The following MPDZ variants were observed in gnomAD, a reference collection of about 807,000 sequenced individuals.
The protein encoded by MPDZ is multiple PDZ domain crumbs cell polarity complex component.
A neutral mutation model predicts 239.1 loss-of-function variants in MPDZ; 234 were observed. That is an observed-to-expected ratio of 0.98 (90% confidence interval 0.88 to 1.09). The LOEUF (loss-of-function observed/expected upper bound fraction) is 1.09, where lower values mean the gene tolerates loss of function less well. Among genes scored for constraint, MPDZ ranks in the 50% least tolerant of loss-of-function variants. MPDZ has a pLI of 0.00. For missense variants in MPDZ, 3,175 were observed against 2,510.0 expected (o/e 1.26, Z -5.66); for synonymous variants, 1,048 against 881.3 (o/e 1.19, Z -3.35).
chr9:13,197,712 T>A (rs1054954193), intron 12 of MPDZ, among the ~76,000 whole-genome samples: 1 of 152,078 alleles, frequency 6.6e-6, no homozygotes. Context: ...TTCTAGTTAA[T>A]TGTATTTTTG....
chr9:13,223,463 G>A (rs996372116), intron 5 of MPDZ, 108 bp downstream of exon 5: 1 of 1,303,862 alleles, frequency 7.7e-7, no homozygotes, highest in Admixed American at 2.7e-5. Flanking sequence ...AACAGATTAT[G>A]TTCAATTTTT....
intron 12 of MPDZ, among the ~76,000 whole-genome samples, chr9:13,198,741 G>C (rs112028988): frequency 0.046 from 451 of 9,888 alleles, 17 homozygotes; most frequent in East Asian, 0.15. Flanking sequence ...CTCTCTCTGT[G>C]TGTGTGTGTG....
At chr9:13,149,822 G>A (rs1282534864) in intron 25 of MPDZ, among the ~76,000 whole-genome samples, 1 of 151,952 alleles carries the variant, frequency 6.6e-6, no homozygotes, top group African/African-American at 2.4e-5. Flanking sequence ...ACATACATGT[G>A]CACACACATG....
At chr9:13,269,257 T>C (rs1413957484) in intron 1 of MPDZ, among the ~76,000 whole-genome samples, 1 of 152,194 alleles carries the variant, frequency 6.6e-6, no homozygotes, top group Non-Finnish European at 1.5e-5. Flanking sequence ...AAGATAAATA[T>C]ATGGTTTTAG....
intron 19 of MPDZ, among the ~76,000 whole-genome samples, chr9:13,178,196 T>C (rs1952769030): frequency 6.6e-6 from 1 of 151,480 alleles, no homozygotes; most frequent in Non-Finnish European, 1.5e-5. Flanking sequence ...GAGGCAGAGC[T>C]TGCAGTTAGC....
rs201856404 is a variant in MPDZ at position 13,192,083 on chromosome 9, C to T, written c.1968+48G>A. The stretch of plus-strand genomic sequence containing the variant: ...GCTTAAAAAATTTTAAGCCATTTAG[C>T]CTTTCCATTATATATGTAGGTTAGC... On this transcript the variant is annotated intron_variant, in intron 15 of 46. Transcript: ENST00000319217. The T allele has an allele frequency of 4.7e-4, 677 of 1,428,988 alleles. 3 individuals carry two copies. Among genetic ancestry groups the T allele is most frequent in the Non-Finnish European group, 5.7e-4 (616 of 1,079,696 alleles). The allele number at this position is 1,428,988 out of a possible 1,614,324, so 88.5% of individuals were successfully genotyped here. A position where few individuals can be genotyped will look rare whatever the true frequency, so the allele number is the denominator to read the frequency against.
chr9:13,279,227 G>A (rs993308953), intron 1 of MPDZ, 173 bp downstream of exon 1: 1 of 128,468 alleles, frequency 7.8e-6, no homozygotes, highest in Non-Finnish European at 1.7e-5. Flanking sequence ...CCGCCCCACC[G>A]CCCCACGGCC....
chr9:13,270,266 C>T lies in MPDZ; in HGVS notation c.-58+9134G>A, dbSNP rs1392712897. Among the ~76,000 whole-genome samples the T allele has an allele frequency of 1.9e-4, 29 of 152,294 alleles. 1 individual carries two copies. The highest frequency in any genetic ancestry group is 1.8e-3 in the Admixed American group (28 of 15,294). On this transcript the variant is annotated intron_variant, in intron 1 of 46. Transcript: ENST00000319217. ...ATGTTGTTTTATTTATTTTGTTCGTCACTTCAATTAAGTGATCAGAAGGTA... is the reference window on the plus strand; with the variant it reads ...ATGTTGTTTTATTTATTTTGTTCGTTACTTCAATTAAGTGATCAGAAGGTA...
chr9:13,274,417 A>C (rs774171951), intron 1 of MPDZ: 9 of 152,098 alleles, frequency 5.9e-5, no homozygotes, highest in Non-Finnish European at 1.0e-4. Flanking sequence ...TGCAGACACA[A>C]ATAAAACTAA....
At chr9:13,165,792 T>C (rs1475495867) in intron 22 of MPDZ, among the ~76,000 whole-genome samples, 2 of 152,150 alleles carry the variant, frequency 1.3e-5, no homozygotes, top group African/African-American at 2.4e-5. Context: ...TAAGAGCTCC[T>C]GGCAAGGTGG....
At chr9:13,193,108 C>A in intron 14 of MPDZ, 59 bp downstream of exon 14, 3 of 1,382,810 alleles carry the variant, frequency 2.2e-6, no homozygotes, top group Non-Finnish European at 2.9e-6. Context: ...CACATTAAGC[C>A]TCCTGCAAGC....
At chr9:13,205,704 C>A (rs769199732) in intron 11 of MPDZ, among the ~76,000 whole-genome samples, 2 of 152,140 alleles carry the variant, frequency 1.3e-5, no homozygotes, top group Non-Finnish European at 1.5e-5. Context: ...TATTCAGAAG[C>A]CTACTCCATA....
In MPDZ at chr9:13,107,020, G is replaced by A. The variant is rs200404626; in HGVS notation, c.6158C>T (p.Ala2053Val). 2 of 1,613,454 alleles carry A rather than the reference G, an allele frequency of 1.2e-6. No homozygotes were observed. Residue 2053 changes from alanine (A) to valine (V), a missense_variant, in exon 47 of 47, where the codon GCT becomes GTT. Transcript: ENST00000319217. ...TTTTGTCCGTTTAAGGATGGCAACA[G>A]CTTCTTCATGGGTGACTCCTTCTAG... ...QSLEGVTHEE[A>V]VAILKRTKGT...
At chr9:13,138,251 T>G in intron 28 of MPDZ, 98 bp from the exon 29 acceptor site, 1 of 1,242,818 alleles carries the variant, frequency 8.0e-7, no homozygotes, top group African/African-American at 1.5e-5. Flanking sequence ...AAAGGACAGA[T>G]TTTATACCAA....
chr9:13,224,119 A>G (rs765384139), intron 4 of MPDZ, among the ~76,000 whole-genome samples: 36 of 151,980 alleles, frequency 2.4e-4, no homozygotes, highest in Non-Finnish European at 4.4e-4. Flanking sequence ...ATTGAATAAC[A>G]TTTTTCCAAG....
At chr9:13,195,873 G>A (rs912775984) in intron 13 of MPDZ, among the ~76,000 whole-genome samples, 1 of 151,922 alleles carries the variant, frequency 6.6e-6, no homozygotes, top group African/African-American at 2.4e-5. Flanking sequence ...ACTATTACTG[G>A]AAATATTAAA....
At chr9:13,214,703 C>T (rs1456845405) in intron 10 of MPDZ, among the ~76,000 whole-genome samples, 3 of 151,944 alleles carry the variant, frequency 2.0e-5, no homozygotes, top group South Asian at 2.1e-4. Context: ...ATTTAGACTC[C>T]GTATGTATTC....
intron 3 of MPDZ, among the ~76,000 whole-genome samples, chr9:13,235,205 C>T (rs569313463): frequency 1.1e-4 from 17 of 152,070 alleles, no homozygotes; most frequent in Non-Finnish European, 2.2e-4. Flanking sequence ...AATTGAACTG[C>T]ATGTTCAAAG....
Position 13,222,153 on chromosome 9 carries a change from A to G in MPDZ, c.747+80T>C, listed in dbSNP as rs916109470. On this transcript the variant is annotated intron_variant, in intron 6 of 46. Transcript: ENST00000319217. ...AAAACTCAAGAAGTGCAAAGACCCT[A>G]CACAAATTAGAAACTTGGAGATAAC... is the stretch of plus-strand genomic sequence containing the variant. 3.3e-4 allele frequency: 392 copies of G among 1,177,196 alleles called. 2 individuals carry two copies. Among genetic ancestry groups the G allele is most frequent in the Non-Finnish European group, 4.2e-4 (353 of 838,758 alleles). 72.9% of individuals were successfully genotyped at this position (1,177,196 alleles called of 1,614,324 possible).
Sources: gnomAD v4.1 joint callset for allele counts (sites outside exome capture counted in the v4.1 genomes callset) on GRCh38, gnomAD v4.1.1 for gene constraint, MANE v1.5 for transcripts, NCBI Gene and HGNC (gene_info 2026-07-23, HGNC 2026-07-21) for gene names.